ARMC2: variants seen among roughly 807,000 people sequenced by gnomAD.
The protein encoded by ARMC2 is armadillo repeat containing 2, also known as armadillo repeat-containing protein 2.
In ARMC2, 67 loss-of-function variants were observed where a neutral mutation model predicts 90.3. The ratio of observed to expected loss-of-function variants is 0.74; its 90% CI spans 0.61 to 0.91. The LOEUF (loss-of-function observed/expected upper bound fraction) is 0.91, where lower values mean the gene tolerates loss of function less well. Ranked by LOEUF, ARMC2 falls within the 40% of genes least tolerant of loss-of-function variation. The pLI, the probability that ARMC2 is intolerant of heterozygous loss-of-function variation, is 0.00. For missense variants in ARMC2, 920 were observed against 1,030.9 expected (o/e 0.89, Z 1.47); for synonymous variants, 393 against 393.0 (o/e 1.00, Z 0.00).
intron 8 of ARMC2, among the ~76,000 whole-genome samples, chr6:108,904,955 G>A (rs11752956): frequency 2.3e-3 from 346 of 152,172 alleles, no homozygotes; most frequent in Non-Finnish European, 3.3e-3. Context: ...GGTGTGAGAA[G>A]AAAAGGCCAG....
chr6:108,902,944 G>A (rs1457394565), intron 7 of ARMC2, among the ~76,000 whole-genome samples: 1 of 152,140 alleles, frequency 6.6e-6, no homozygotes, highest in African/African-American at 2.4e-5. Context: ...GAGGCAAGCA[G>A]ATCACTTGAG....
rs1211334562 is a variant in ARMC2, at chr6:108,953,181, A to C, written c.1745A>C (p.Lys582Thr). The change falls in exon 13 of 18, where the codon AAG (lysine) becomes ACG (threonine). Residue 582 changes from lysine to threonine, a missense_variant. Lys to Thr is a moderately conservative substitution (Grantham distance 78). Transcript: ENST00000392644. ...CATCAGCTGGATCTGCATTCCCAGAAGCCGGTGGGCCAACGAGGCGAGCAG... is the reference window on the plus strand; with the variant it reads ...CATCAGCTGGATCTGCATTCCCAGACGCCGGTGGGCCAACGAGGCGAGCAG... ...TFHQLDLHSQ[K>T]PVGQRGEQHR... 6.2e-7 allele frequency: 1 copy of C among 1,614,038 alleles called. No individual in the cohort carries two copies. Among genetic ancestry groups the C allele is most frequent in the Non-Finnish European group, 8.5e-7 (1 of 1,179,902 alleles).
downstream of ARMC2, among the ~76,000 whole-genome samples, chr6:108,975,330 T>G (rs1778964288): frequency 6.6e-6 from 1 of 152,224 alleles, no homozygotes; most frequent in Non-Finnish European, 1.5e-5. Context: ...GCAAAGGACA[T>G]GAACTCATCC....
At chr6:109,001,178 T>C in the ARMC2 span, 1 of 897,818 alleles carries the variant, frequency 1.1e-6, no homozygotes. Flanking sequence ...ACAGGAATCA[T>C]ATTATATATC....
the ARMC2 span, among the ~76,000 whole-genome samples, chr6:108,984,951 G>T: frequency 6.6e-6 from 1 of 152,042 alleles, no homozygotes; most frequent in Non-Finnish European, 1.5e-5. Flanking sequence ...CCCATATATT[G>T]TTAACTCAGC....
intron 4 of ARMC2, among the ~76,000 whole-genome samples, chr6:108,871,969 T>A (rs1183431658): frequency 6.6e-6 from 1 of 152,242 alleles, no homozygotes; most frequent in Non-Finnish European, 1.5e-5. Context: ...TAAAAGCACA[T>A]GTCATCCAAT....
At chr6:108,987,806 C>CT in the ARMC2 span, among the ~76,000 whole-genome samples, 373 of 135,538 alleles carry the variant, frequency 2.8e-3, 3 homozygotes, top group Middle Eastern at 0.025. Flanking sequence ...CAGCAGCTAT[C>CT]TTTTTTTTTT....
the ARMC2 span, among the ~76,000 whole-genome samples, chr6:109,021,736 C>T: frequency 3.3e-5 from 5 of 152,258 alleles, no homozygotes; most frequent in African/African-American, 1.2e-4. Context: ...CACACCTGGC[C>T]TCATCCTTCT....
At chr6:108,917,145 T>C (rs1306114452) in intron 10 of ARMC2, among the ~76,000 whole-genome samples, 1 of 152,218 alleles carries the variant, frequency 6.6e-6, no homozygotes, top group Non-Finnish European at 1.5e-5. Flanking sequence ...AATTCAATCC[T>C]TAGAGAAATG....
intron 7 of ARMC2, among the ~76,000 whole-genome samples, chr6:108,903,137 C>T (rs546058457): frequency 5.9e-5 from 9 of 152,224 alleles, no homozygotes; most frequent in East Asian, 3.9e-4. Context: ...CACTACACTC[C>T]GGTCTGGGTG....
At chr6:108,975,520 C>T (rs888872265), downstream of ARMC2, among the ~76,000 whole-genome samples, 1 of 152,166 alleles carries the variant, frequency 6.6e-6, no homozygotes, top group South Asian at 2.1e-4. Flanking sequence ...GGTATATACC[C>T]AGTAATGGGA....
chr6:109,007,678 A>C, the ARMC2 span, among the ~76,000 whole-genome samples: 1 of 152,208 alleles, frequency 6.6e-6, no homozygotes, highest in South Asian at 2.1e-4. Context: ...AAATGGAGAG[A>C]TCTAGAAGTG....
chr6:108,997,884 T>C, the ARMC2 span, among the ~76,000 whole-genome samples: 585 of 152,328 alleles, frequency 3.8e-3, 1 homozygote, highest in African/African-American at 0.014. Flanking sequence ...AATTTGCTTA[T>C]AGAAAACTGA....
At chr6:109,040,180 AACAACT>A in the ARMC2 span, among the ~76,000 whole-genome samples, 1 of 152,194 alleles carries the variant, frequency 6.6e-6, no homozygotes, top group Non-Finnish European at 1.5e-5. Context: ...AAAGTTAAGC[AACAACT>A]ACCCCCACCA....
Position 108,930,867 on chromosome 6 carries a change from T to C in ARMC2, c.1496+2634T>C, listed in dbSNP as rs562472315. ...GCCTTGGCCTCCCAAAGTGCTGGGATTACAGGCGTGAGCCACCGCACCCGG... is the reference window on the plus strand; with the variant it reads ...GCCTTGGCCTCCCAAAGTGCTGGGACTACAGGCGTGAGCCACCGCACCCGG... On this transcript the variant is annotated intron_variant, in intron 11 of 17. Transcript: ENST00000392644. Among the ~76,000 whole-genome samples the C allele has an allele frequency of 5.9e-5, 9 of 151,692 alleles. No homozygotes were observed. The South Asian group carries it at 1.9e-3, about 31-fold the overall frequency.
intron 13 of ARMC2, among the ~76,000 whole-genome samples, chr6:108,960,632 A>G (rs1777927175): frequency 6.6e-6 from 1 of 152,240 alleles, no homozygotes; most frequent in Admixed American, 6.5e-5. Context: ...TGTGCTATGG[A>G]GAAAATTAAA....
intron 10 of ARMC2, chr6:108,922,851 T>C (rs900503027): frequency 4.6e-5 from 7 of 152,218 alleles, no homozygotes; most frequent in African/African-American, 1.7e-4. Context: ...CTCAGTCATT[T>C]TTCAGTAGTA....
At chr6:108,855,346 T>G (rs1774454498) in intron 2 of ARMC2, among the ~76,000 whole-genome samples, 1 of 151,900 alleles carries the variant, frequency 6.6e-6, no homozygotes, top group South Asian at 2.1e-4. Flanking sequence ...CCTCCCGGGT[T>G]CACGCCATTC....
intron 11 of ARMC2, among the ~76,000 whole-genome samples, chr6:108,935,900 G>A (rs1361311875): frequency 6.6e-6 from 1 of 151,884 alleles, no homozygotes; most frequent in Non-Finnish European, 1.5e-5. Context: ...TAATTTAATT[G>A]CACTTTGACC....
Sources: allele counts gnomAD v4.1 joint callset (sites outside exome capture counted in the v4.1 genomes callset), GRCh38; gene constraint gnomAD v4.1.1; transcripts MANE v1.5; gene names NCBI Gene and HGNC (gene_info 2026-07-23, HGNC 2026-07-21).